Variants in CARMIL3 observed in about 807,000 individuals in gnomAD.
The protein encoded by CARMIL3 is capping protein, Arp2/3 and myosin-I linker protein 3.
CARMIL3 carries 88 observed loss-of-function variants against 180.8 expected under a neutral mutation model. The ratio of observed to expected loss-of-function variants is 0.49; its 90% confidence interval spans 0.41 to 0.58. CARMIL3 has a LOEUF of 0.58. CARMIL3 is among the 20% of genes least tolerant of loss of function. The pLI is 0.00. For synonymous variants in CARMIL3, 696 were observed against 714.5 expected, an observed-to-expected ratio of 0.97 and a Z score of 0.41; for missense variants, 1,548 against 1,787.0, an observed-to-expected ratio of 0.87 and a Z score of 2.41.
At chr14:24,062,943 C>G (rs2035747178) in intron 29 of CARMIL3, 97 bp downstream of exon 29, 4 of 1,543,798 alleles carry the variant, frequency 2.6e-6, no homozygotes, top group Non-Finnish European at 2.6e-6. Flanking sequence ...CTCCCCTGGC[C>G]ACCTCACTGT....
At chr14:24,064,654 G>A (rs1033759489) in intron 32 of CARMIL3, among the ~76,000 whole-genome samples, 5 of 61,198 alleles carry the variant, frequency 8.2e-5, no homozygotes, top group Non-Finnish European at 1.3e-4. Flanking sequence ...TGAGAGGCCC[G>A]GGGGGTAGTG....
rs572091247 is a variant in CARMIL3 at position 24,069,718 on chromosome 14, A to C, written c.*314A>C. The C allele has an allele frequency of 7.7e-6, 3 of 388,174 alleles. No homozygotes were observed. The highest frequency in any genetic ancestry group is 1.1e-4 in the South Asian group (2 of 18,364). 24.0% of individuals were successfully genotyped at this position (388,174 alleles called of 1,614,324 possible). On this transcript the variant is annotated 3_prime_UTR_variant, in exon 40 of 40. Transcript: ENST00000342740. ...TCTCCCCTCTTGTATAGAATAAAAA[A>C]ACAAAATCATCGCCTGCCTCGAGTC...
In CARMIL3 at chr14:24,065,707, G is replaced by C; in HGVS notation, c.3482G>C (p.Gly1161Ala). 6.2e-7 allele frequency: 1 copy of C among 1,614,102 alleles called. No individual in the cohort carries two copies. Among genetic ancestry groups the C allele is most frequent in the African/African-American group, 1.3e-5 (1 of 75,048 alleles). The stretch of plus-strand genomic sequence containing the variant: ...AGGGTTCACGGTGTTGCCCTTCCCG[G>C]GTTGGAAAGAGCCAAGGGTTGGAGC... ...QPRVHGVALP[G>A]LERAKGWSFD... is the part of the protein sequence containing the mutation. Residue 1161 changes from glycine (G) to alanine (A), a missense_variant, in exon 34 of 40, where the codon GGG becomes GCG. Gly to Ala is a moderately conservative substitution (Grantham distance 60, BLOSUM62 0). Around this residue, in one of 4 missense-constraint regions of CARMIL3, gnomAD observed 668 missense variants for 687.8 expected, o/e 0.97. Transcript: ENST00000342740.
At position 24,059,034 on chromosome 14, in the gene CARMIL3, C is replaced by G. The variant is rs759325123; in HGVS notation, c.1571+48C>G. On this transcript the variant is annotated intron_variant, in intron 19 of 39. Transcript: ENST00000342740. This position sits in a 1 kb window ranked among gnomAD's most constrained non-coding sequence, Gnocchi z 6.3. Reference sequence around the variant, plus strand: ...ACAGACCCTCATCCCATCATTCACCCATCCTCTTGGCTCACCGTATTACCT... The same window carrying G: ...ACAGACCCTCATCCCATCATTCACCGATCCTCTTGGCTCACCGTATTACCT... 12 of 1,606,782 alleles carry G rather than the reference C, an allele frequency of 7.5e-6. No homozygotes were observed. In the East Asian group the frequency reaches 2.7e-4, roughly 36 times the overall value.
In CARMIL3 at chr14:24,065,783, C is replaced by A. The variant is rs770609846; in HGVS notation, c.3525+33C>A. 6.2e-6 allele frequency: 10 copies of A among 1,610,686 alleles called. No individual in the cohort carries two copies. In the East Asian group the frequency reaches 2.0e-4, roughly 32 times the overall value. On this transcript the variant is annotated intron_variant, in intron 34 of 39. Transcript: ENST00000342740. Reference sequence around the variant, plus strand: ...GAGCCTGGGACAACAAACTGTGGGTCCTGAGGGTATCTGTCCACCACCCTC... The same window carrying A: ...GAGCCTGGGACAACAAACTGTGGGTACTGAGGGTATCTGTCCACCACCCTC...
Position 24,055,806 on chromosome 14 carries a change from C to T in CARMIL3, c.770+17C>T. Reference sequence around the variant, plus strand: ...GCTTAAGACGTGAGGCCAGTCTCCTCCTTGGGCAGTAGTGCACCCTTGATG... The same window carrying T: ...GCTTAAGACGTGAGGCCAGTCTCCTTCTTGGGCAGTAGTGCACCCTTGATG... On this transcript the variant is annotated intron_variant, in intron 10 of 39. Transcript: ENST00000342740. 6.2e-7 allele frequency: 1 copy of T among 1,612,548 alleles called. No homozygotes were observed. Among genetic ancestry groups the T allele is most frequent in the South Asian group, 1.1e-5 (1 of 91,016 alleles).
intron 31 of CARMIL3, among the ~76,000 whole-genome samples, chr14:24,064,020 G>A (rs1300050387): frequency 6.6e-6 from 1 of 151,390 alleles, no homozygotes; most frequent in East Asian, 2.0e-4. Context: ...CGTGAACCCA[G>A]GAGGCGGAGG....
rs1435158635 is a variant in CARMIL3, at chr14:24,060,161, A to G, written c.1967A>G (p.Gln656Arg). ...ERTEDVWQKI[Q>R]WCLVRNNHSQ... The stretch of plus-strand genomic sequence containing the variant: ...CACCAACCCCATCATCTCCAGATCC[A>G]ATGGTGCTTAGTGAGGAACAACCAC... The change falls in exon 24 of 40, where the codon CAA (glutamine) becomes CGA (arginine). Residue 656 changes from glutamine to arginine, a missense_variant. Transcript: ENST00000342740. The G allele has an allele frequency of 6.2e-7, 1 of 1,614,020 alleles. No homozygotes were observed. The highest frequency in any genetic ancestry group is 8.5e-7 in the Non-Finnish European group (1 of 1,180,026).
At chr14:24,053,151 A>G (rs1363351736) in intron 1 of CARMIL3, among the ~76,000 whole-genome samples, 2 of 152,106 alleles carry the variant, frequency 1.3e-5, no homozygotes, top group Non-Finnish European at 2.9e-5. Flanking sequence ...TCCCCGCCCA[A>G]CACACACAGA....
intron 33 of CARMIL3, 21 bp downstream of exon 33, chr14:24,065,294 T>C: frequency 6.7e-7 from 1 of 1,500,136 alleles, no homozygotes; most frequent in East Asian, 2.3e-5. Context: ...CAGGGGGTGC[T>C]GTGTCTTCCC....
chr14:24,062,938 C>T, intron 29 of CARMIL3, 92 bp downstream of exon 29: 1 of 1,546,450 alleles, frequency 6.5e-7, no homozygotes, highest in Non-Finnish European at 8.8e-7. Context: ...CTGTACTCCC[C>T]TGGCCACCTC....
At position 24,054,200 on chromosome 14, in the gene CARMIL3, C is replaced by A; in HGVS notation, c.187-42C>A. 5 of 1,614,096 alleles carry A rather than the reference C, an allele frequency of 3.1e-6. No individual in the cohort carries two copies. The highest frequency in any genetic ancestry group is 4.2e-6 in the Non-Finnish European group (5 of 1,179,952). The stretch of plus-strand genomic sequence containing the variant: ...GCTCCCTACCTCCCAAGCCTGGCAA[C>A]CCAGGTCCTTACCAGGAGCTGAGCA... On this transcript the variant is annotated intron_variant, in intron 3 of 39. Coordinates refer to ENST00000342740, the MANE Select transcript of CARMIL3 (RefSeq NM_138360.4). The surrounding 1 kb of genome is among the most constrained non-coding windows in gnomAD (Gnocchi z 5.1).
chr14:24,066,309 A>G (rs923798015), intron 34 of CARMIL3, 89 bp from the exon 35 acceptor site: 15 of 1,444,606 alleles, frequency 1.0e-5, no homozygotes, highest in Admixed American at 9.5e-5. Context: ...CATGAGAATG[A>G]CATGGAGATG....
Position 24,058,605 on chromosome 14 carries a change from A to G in CARMIL3, c.1393-75A>G. On this transcript the variant is annotated intron_variant, in intron 17 of 39. Transcript: ENST00000342740. The surrounding 1 kb of genome is among the most constrained non-coding windows in gnomAD (Gnocchi z 6.4). ...CATGACTTTGAGTTCTGGTGTGACT[A>G]CTATATCCTAAGCATTAAAGGTGCC... The G allele has an allele frequency of 5.9e-6, 7 of 1,178,394 alleles. No homozygotes were observed. Among genetic ancestry groups the G allele is most frequent in the Non-Finnish European group, 8.7e-6 (7 of 808,934 alleles). 73.0% of individuals were successfully genotyped at this position (1,178,394 alleles called of 1,614,324 possible). A position where few individuals can be genotyped will look rare whatever the true frequency, so the allele number is the denominator to read the frequency against.
rs35470491 is a variant in CARMIL3 at position 24,054,526 on chromosome 14, AG to A, written c.362+19del. The A allele has an allele frequency of 0.057, 91,355 of 1,609,980 alleles. 7,608 individuals are homozygous for A. Among genetic ancestry groups the A allele is most frequent in the African/African-American group, 0.4 (30,205 of 74,822 alleles). The stretch of plus-strand genomic sequence containing the variant: ...CCTGGCCCTGGGTGAGTGGCAAATA[AG>A]GGGTCTCTTAAGGCATTAGATGAGA... On this transcript the variant is annotated intron_variant, in intron 5 of 39. Coordinates refer to ENST00000342740, the MANE Select transcript of CARMIL3 (RefSeq NM_138360.4). This position sits in a 1 kb window ranked among gnomAD's most constrained non-coding sequence, Gnocchi z 5.1.
rs866735025 is a variant in CARMIL3, at chr14:24,059,081, C to T, written c.1572-54C>T. On this transcript the variant is annotated intron_variant, in intron 19 of 39. Transcript: ENST00000342740. This position sits in a 1 kb window ranked among gnomAD's most constrained non-coding sequence, Gnocchi z 6.3. ...ACCTCTGGCCACCTCTCTCCTCCTC[C>T]AATAGCATGACCCCAGCCCTTCCCC... The T allele has an allele frequency of 1.8e-5, 28 of 1,585,512 alleles. No homozygotes were observed. The South Asian group carries it at 3.2e-4, about 18-fold the overall frequency.
Position 24,058,344 on chromosome 14 carries a change from C to T in CARMIL3, c.1392+120C>T. Reference sequence around the variant, plus strand: ...GACCCTCTGCGACCCCCTGACCTGGCCACACCACCACTTTCCCCTCTCAGT... The same window carrying T: ...GACCCTCTGCGACCCCCTGACCTGGTCACACCACCACTTTCCCCTCTCAGT... On this transcript the variant is annotated intron_variant, in intron 17 of 39. Transcript: ENST00000342740. This position sits in a 1 kb window ranked among gnomAD's most constrained non-coding sequence, Gnocchi z 6.4. 9.9e-7 allele frequency: 1 copy of T among 1,010,408 alleles called. No homozygotes were observed. Among genetic ancestry groups the T allele is most frequent in the Non-Finnish European group, 1.5e-6 (1 of 683,920 alleles). 62.6% of individuals were successfully genotyped at this position (1,010,408 alleles called of 1,614,324 possible). A position where few individuals can be genotyped will look rare whatever the true frequency, so the allele number is the denominator to read the frequency against.
chr14:24,062,398 G>T, intron 27 of CARMIL3, 82 bp from the exon 28 acceptor site: 2 of 1,277,264 alleles, frequency 1.6e-6, no homozygotes. Flanking sequence ...GTTCTCTCAG[G>T]CTTCTGGGAG....
chr14:24,059,493 A>G lies in CARMIL3; in HGVS notation c.1799+51A>G. 6.5e-7 allele frequency: 1 copy of G among 1,540,470 alleles called. No homozygotes were observed. The highest frequency in any genetic ancestry group is 1.2e-5 in the South Asian group (1 of 83,752). ...ACCTGGAGCCCCAGCCCCTCCCCAT[A>G]TGTACATAATCTCCCTGCTTTCCTT... is the stretch of plus-strand genomic sequence containing the variant. On this transcript the variant is annotated intron_variant, in intron 21 of 39. Coordinates refer to ENST00000342740, the MANE Select transcript of CARMIL3 (RefSeq NM_138360.4). The surrounding 1 kb of genome is among the most constrained non-coding windows in gnomAD (Gnocchi z 6.3).
Sources: allele counts gnomAD v4.1 joint callset (sites outside exome capture counted in the v4.1 genomes callset), GRCh38; gene constraint gnomAD v4.1.1; regional missense constraint gnomAD v4.1.1; non-coding constraint Gnocchi (gnomAD v3.1); transcripts MANE v1.5; gene names NCBI Gene and HGNC (gene_info 2026-07-23, HGNC 2026-07-21).